PCDHGA10: variants seen among roughly 807,000 people sequenced by gnomAD.
The protein encoded by PCDHGA10 is protocadherin gamma subfamily A, 10, also known as protocadherin gamma-A10.
PCDHGA10 carries 42 observed loss-of-function variants against 59.5 expected under a neutral mutation model. The observed-to-expected ratio is 0.71, with a 90% confidence interval of 0.55 to 0.91. The LOEUF is 0.91. Ranked by LOEUF, PCDHGA10 falls within the 40% of genes least tolerant of loss-of-function variation. The probability of loss-of-function intolerance (pLI) is 0.00; values close to 1 mark genes in which losing one functional copy is unlikely to be tolerated. For missense variants in PCDHGA10, 1,111 were observed against 1,198.2 expected (o/e 0.93, Z 1.07); for synonymous variants, 511 against 517.2 (o/e 0.99, Z 0.16).
intron 1 of PCDHGA10, among the ~76,000 whole-genome samples, chr5:141,473,329 G>A (rs2099319416): frequency 6.6e-6 from 1 of 152,212 alleles, no homozygotes; most frequent in Non-Finnish European, 1.5e-5. Context: ...TTAAGTGCCT[G>A]CTGTGCTAGA....
intron 1 of PCDHGA10, among the ~76,000 whole-genome samples, chr5:141,454,195 T>C (rs1295815862): frequency 6.6e-6 from 1 of 152,136 alleles, no homozygotes; most frequent in Admixed American, 6.6e-5. Context: ...TTAGTGAAGG[T>C]GAATTTATTG....
intron 1 of PCDHGA10, among the ~76,000 whole-genome samples, chr5:141,472,026 G>C (rs2099269805): frequency 6.6e-6 from 1 of 152,108 alleles, no homozygotes; most frequent in Non-Finnish European, 1.5e-5. Context: ...ATTGTATGTA[G>C]AAAGCTGTGA....
Position 141,476,437 on chromosome 5 carries a change from TCTGGAGTTGGTAGTGGAGAACCC to T in PCDHGA10, c.2437-18369_2437-18347del. ...GGACACTGCCCTCTTGCACTGTAAC[TCTGGAGTTGGTAGTGGAGAACCC>T]GCTGGAGCTGTTCAGCGTGGAAGTG... On this transcript the variant is annotated intron_variant, in intron 1 of 3. Transcript: ENST00000398610. The surrounding 1 kb of genome is among the most constrained non-coding windows in gnomAD (Gnocchi z 7.6). 1 of 1,614,004 alleles carries T rather than the reference TCTGGAGTTGGTAGTGGAGAACCC, an allele frequency of 6.2e-7. No individual in the cohort carries two copies. The highest frequency in any genetic ancestry group is 2.2e-5 in the East Asian group (1 of 44,836).
At chr5:141,495,071 C>A (rs1391869079) in intron 2 of PCDHGA10, among the ~76,000 whole-genome samples, 1 of 152,160 alleles carries the variant, frequency 6.6e-6, no homozygotes, top group Non-Finnish European at 1.5e-5. Flanking sequence ...AAGCTCAATT[C>A]ACATGCTTGC....
intron 1 of PCDHGA10, among the ~76,000 whole-genome samples, chr5:141,461,181 A>T (rs1322465700): frequency 1.3e-5 from 2 of 152,104 alleles, no homozygotes; most frequent in Non-Finnish European, 2.9e-5. Flanking sequence ...ATTGAATGGT[A>T]GATCTGTTTT....
At chr5:141,428,275 G>C in intron 1 of PCDHGA10, 1 of 767,218 alleles carries the variant, frequency 1.3e-6, no homozygotes, top group Non-Finnish European at 2.2e-6. Context: ...TGTGCCCTCT[G>C]ATTCCCAAGC....
intron 1 of PCDHGA10, among the ~76,000 whole-genome samples, chr5:141,446,150 A>G (rs754792549): frequency 6.6e-6 from 1 of 152,216 alleles, no homozygotes; most frequent in Non-Finnish European, 1.5e-5. Flanking sequence ...GAATAGGTGG[A>G]ATATAAATTT....
intron 1 of PCDHGA10, chr5:141,427,902 C>G: frequency 6.4e-7 from 1 of 1,573,742 alleles, no homozygotes; most frequent in South Asian, 1.1e-5. Flanking sequence ...CTCGCCCGCG[C>G]TCAGCGCCAA....
chr5:141,508,270 G>C lies in PCDHGA10; in HGVS notation c.2585-2677G>C, dbSNP rs547745015. On this transcript the variant is annotated intron_variant, in intron 3 of 3. Coordinates refer to ENST00000398610, the MANE Select transcript of PCDHGA10 (RefSeq NM_018913.3). Reference sequence around the variant, plus strand: ...TCTCCTGGGACCAAGAGAAAATCCCGGTCCTTGACCAAGGTGGGCCTTGGG... The same window carrying C: ...TCTCCTGGGACCAAGAGAAAATCCCCGTCCTTGACCAAGGTGGGCCTTGGG... 4 of 152,228 alleles carry C rather than the reference G, an allele frequency of 2.6e-5. No individual in the cohort carries two copies. The East Asian group carries it at 7.7e-4, about 29-fold the overall frequency. 9.4% of individuals were successfully genotyped at this position (152,228 alleles called of 1,614,324 possible). A position where few individuals can be genotyped will look rare whatever the true frequency, so the allele number is the denominator to read the frequency against.
At chr5:141,419,928 T>G in intron 1 of PCDHGA10, 1 of 1,614,084 alleles carries the variant, frequency 6.2e-7, no homozygotes, top group South Asian at 1.1e-5. Flanking sequence ...GAGATGCAGT[T>G]TTACCTGGTG....
rs200790843 is a variant in PCDHGA10 at position 141,432,196 on chromosome 5, C to A, written c.2436+16585C>A. ...TCGTCTCTGTGACCGCCCACGACCCCGACTGTGAAGAGAACGCCCAGATCA... is the reference window on the plus strand; with the variant it reads ...TCGTCTCTGTGACCGCCCACGACCCAGACTGTGAAGAGAACGCCCAGATCA... On this transcript the variant is annotated intron_variant, in intron 1 of 3. Coordinates refer to ENST00000398610, the MANE Select transcript of PCDHGA10 (RefSeq NM_018913.3). This position sits in a 1 kb window ranked among gnomAD's most constrained non-coding sequence, Gnocchi z 6.0. The A allele has an allele frequency of 6.2e-7, 1 of 1,614,192 alleles. No homozygotes were observed.
In PCDHGA10 at chr5:141,476,177, C is replaced by T. The variant is rs1221752964; in HGVS notation, c.2437-18630C>T. On this transcript the variant is annotated intron_variant, in intron 1 of 3. Transcript: ENST00000398610. The surrounding 1 kb of genome is among the most constrained non-coding windows in gnomAD (Gnocchi z 7.6). ...CACCGGGAGGGTAGTGGGAGTTTTG[C>T]TTCTGCTTGGTGCCTTGAACAAGGC... 6.2e-7 allele frequency: 1 copy of T among 1,613,436 alleles called. No individual in the cohort carries two copies. Among genetic ancestry groups the T allele is most frequent in the Non-Finnish European group, 8.5e-7 (1 of 1,179,944 alleles).
Position 141,414,106 on chromosome 5 carries a change from CTAGA to C in PCDHGA10, c.933_936del (p.Asp312MetfsTer9). 1 of 1,592,656 alleles carries C rather than the reference CTAGA, an allele frequency of 6.3e-7. No individual in the cohort carries two copies. The highest frequency in any genetic ancestry group is 8.6e-7 in the Non-Finnish European group (1 of 1,169,328). ...TGGAGAAATAAAAATATCAGAAAAT[CTAGA>C]TTATGAAGAAACCGGTTTCTATGAA... is the stretch of plus-strand genomic sequence containing the variant. On this transcript the variant is annotated frameshift_variant, in exon 1 of 4. Coordinates refer to ENST00000398610, the MANE Select transcript of PCDHGA10 (RefSeq NM_018913.3). LOFTEE classifies it high-confidence loss of function.
chr5:141,493,021 G>C lies in PCDHGA10; in HGVS notation c.2437-1786G>C, dbSNP rs1261539371. On this transcript the variant is annotated intron_variant, in intron 1 of 3. Transcript: ENST00000398610. This position sits in a 1 kb window ranked among gnomAD's most constrained non-coding sequence, Gnocchi z 4.3. ...AGCTATAGGCTCTGCCAGATGCCAG[G>C]GTGCCCTTATGTGTGAGGAAACTAC... Among the ~76,000 whole-genome samples, 1 of 152,180 alleles carries C rather than the reference G, an allele frequency of 6.6e-6. No individual in the cohort carries two copies. The highest frequency in any genetic ancestry group is 6.5e-5 in the Admixed American group (1 of 15,284).
In PCDHGA10 at chr5:141,432,469, C is replaced by A; in HGVS notation, c.2436+16858C>A. On this transcript the variant is annotated intron_variant, in intron 1 of 3. Coordinates refer to ENST00000398610, the MANE Select transcript of PCDHGA10 (RefSeq NM_018913.3). The surrounding 1 kb of genome is among the most constrained non-coding windows in gnomAD (Gnocchi z 6.0). ...TCCTGTACCCCGCCCTCCCCACGGA[C>A]GGTTCCACTGGCGTGGAGCTGGCTC... 6.2e-7 allele frequency: 1 copy of A among 1,614,218 alleles called. No individual in the cohort carries two copies.
rs549842756 is a variant in PCDHGA10 at position 141,470,331 on chromosome 5, A to T, written c.2437-24476A>T. ...TTTCCTCAAATGATCCCATAATTTG[A>T]CCTTAGGAAGCTGTTCAAATAGACA... is the stretch of plus-strand genomic sequence containing the variant. On this transcript the variant is annotated intron_variant, in intron 1 of 3. Transcript: ENST00000398610. 3.3e-4 allele frequency among the ~76,000 whole-genome samples: 50 copies of T among 152,244 alleles called. 1 individual carries two copies. Among genetic ancestry groups the T allele is most frequent in the African/African-American group, 1.1e-3 (47 of 41,536 alleles).
At chr5:141,420,370 T>A in intron 1 of PCDHGA10, 1 of 1,352,032 alleles carries the variant, frequency 7.4e-7, no homozygotes, top group South Asian at 1.8e-5. Flanking sequence ...GATAACTTCT[T>A]CATAGAGTTC....
chr5:141,439,889 C>T (rs997306014), intron 1 of PCDHGA10: 1 of 152,348 alleles, frequency 6.6e-6, no homozygotes, highest in Admixed American at 6.5e-5. Context: ...CTGGGTAGAA[C>T]CAAGGCGACT....
chr5:141,477,171 TCA>T lies in PCDHGA10; in HGVS notation c.2437-17633_2437-17632del, dbSNP rs772104411. On this transcript the variant is annotated intron_variant, in intron 1 of 3. Transcript: ENST00000398610. This position sits in a 1 kb window ranked among gnomAD's most constrained non-coding sequence, Gnocchi z 4.9. ...GATGTGAATGACAACGCCCCGGAGA[TCA>T]CAGTCACCTCCGTGTACAGCCCAGT... 6.2e-7 allele frequency: 1 copy of T among 1,614,072 alleles called. No individual in the cohort carries two copies. Among genetic ancestry groups the T allele is most frequent in the Non-Finnish European group, 8.5e-7 (1 of 1,179,988 alleles).
Sources: gnomAD v4.1 joint callset for allele counts (sites outside exome capture counted in the v4.1 genomes callset) on GRCh38, gnomAD v4.1.1 for gene constraint, Gnocchi (gnomAD v3.1) non-coding constraint, MANE v1.5 for transcripts, NCBI Gene and HGNC (gene_info 2026-07-23, HGNC 2026-07-21) for gene names.